Variants in COX10 observed in about 807,000 individuals in gnomAD.
COX10 encodes the protein cytochrome c oxidase assembly factor heme A:farnesyltransferase COX10, also known as protoheme IX farnesyltransferase, mitochondrial.
COX10 carries 27 observed loss-of-function variants against 37.3 expected under a neutral mutation model. The observed-to-expected ratio is 0.72, with a 90% CI of 0.53 to 1.00. The LOEUF (loss-of-function observed/expected upper bound fraction) is 1.00, where lower values mean the gene tolerates loss of function less well. COX10 is among the 50% of genes least tolerant of loss of function. The probability of loss-of-function intolerance (pLI) is 0.00; values close to 1 mark genes in which losing one functional copy is unlikely to be tolerated. For synonymous variants in COX10, 222 were observed against 229.1 expected, an observed-to-expected ratio of 0.97 and a Z score of 0.28; for missense variants, 475 against 563.2, an observed-to-expected ratio of 0.84 and a Z score of 1.59.
chr17:14,162,654 T>G (rs937594445), intron 5 of COX10, among the ~76,000 whole-genome samples: 1 of 152,090 alleles, frequency 6.6e-6, no homozygotes, highest in African/African-American at 2.4e-5. Flanking sequence ...TACATAGAAT[T>G]TATGCCCCTG....
At chr17:14,091,917 T>G (rs1396303107) in intron 3 of COX10, among the ~76,000 whole-genome samples, 1 of 152,172 alleles carries the variant, frequency 6.6e-6, no homozygotes, top group African/African-American at 2.4e-5. Flanking sequence ...AAACTCAGTT[T>G]TGAAACTACA....
intron 3 of COX10, among the ~76,000 whole-genome samples, chr17:14,077,708 C>A (rs2142183018): frequency 6.6e-6 from 1 of 152,288 alleles, no homozygotes; most frequent in African/African-American, 2.4e-5. Flanking sequence ...TCTGGGCTAA[C>A]CCTGTTTAGA....
chr17:14,089,974 C>T (rs1915487702), intron 3 of COX10, among the ~76,000 whole-genome samples: 1 of 152,060 alleles, frequency 6.6e-6, no homozygotes, highest in African/African-American at 2.4e-5. Flanking sequence ...TTAAGGGAGA[C>T]CTCTGCAACT....
intron 5 of COX10, among the ~76,000 whole-genome samples, chr17:14,178,613 G>A (rs893592111): frequency 6.6e-6 from 1 of 150,622 alleles, no homozygotes; most frequent in African/African-American, 2.4e-5. Context: ...AGGGTGGCCT[G>A]CTCACCACTT....
At chr17:14,081,822 G>A (rs1393168773) in intron 3 of COX10, among the ~76,000 whole-genome samples, 10 of 152,296 alleles carry the variant, frequency 6.6e-5, no homozygotes, top group African/African-American at 2.4e-4. Context: ...TGGATTTGCT[G>A]CCCCTGCTCT....
intron 2 of COX10, among the ~76,000 whole-genome samples, chr17:14,076,111 C>CTTTTTTTTTTTTTTT (rs376434284): frequency 1.9e-5 from 2 of 103,254 alleles, no homozygotes; most frequent in African/African-American, 3.8e-5. Flanking sequence ...TCTTTTTTGT[C>CTTTTTTTTTTTTTTT]TTTTTTTTTT....
intron 6 of COX10, among the ~76,000 whole-genome samples, chr17:14,201,990 C>A (rs1366444298): frequency 6.6e-6 from 1 of 152,180 alleles, no homozygotes; most frequent in Admixed American, 6.5e-5. Context: ...TGCACCTGAG[C>A]ATTCCAACCT....
Position 14,170,651 on chromosome 17 carries a change from C to CA in COX10, c.695+10705dup, listed in dbSNP as rs766846210. Among the ~76,000 whole-genome samples, 39 of 151,906 alleles carry CA rather than the reference C, an allele frequency of 2.6e-4. 1 individual carries two copies. Among genetic ancestry groups the CA allele is most frequent in the South Asian group, 1.5e-3 (7 of 4,778 alleles). ...GCAACGTAGTGAGACCCTGTCTTTACAGAAAAAAATTTTAAAATTAGCCGA... is the reference window on the plus strand; with the variant it reads ...GCAACGTAGTGAGACCCTGTCTTTACAAGAAAAAAATTTTAAAATTAGCCGA... On this transcript the variant is annotated intron_variant, in intron 5 of 6. Transcript: ENST00000261643.
At chr17:14,121,574 G>A (rs568420923) in intron 4 of COX10, among the ~76,000 whole-genome samples, 181 of 152,212 alleles carry the variant, frequency 1.2e-3, no homozygotes, top group African/African-American at 4.0e-3. Context: ...TTTCTGTTTC[G>A]ATTTCTTCAT....
chr17:14,168,130 G>T (rs1290394019), intron 5 of COX10, among the ~76,000 whole-genome samples: 2 of 152,246 alleles, frequency 1.3e-5, no homozygotes, highest in African/African-American at 2.4e-5. Flanking sequence ...CCAAGTGGGA[G>T]AAATTGGCCA....
At chr17:14,075,634 G>T (rs1915126078) in intron 2 of COX10, among the ~76,000 whole-genome samples, 1 of 152,096 alleles carries the variant, frequency 6.6e-6, no homozygotes, top group African/African-American at 2.4e-5. Context: ...TATTAATTTT[G>T]CTAGTAAGTG....
At chr17:14,088,558 T>C (rs566263533) in intron 3 of COX10, among the ~76,000 whole-genome samples, 8 of 152,284 alleles carry the variant, frequency 5.3e-5, no homozygotes, top group Admixed American at 2.6e-4. Context: ...TATAAGATGC[T>C]ATGGTAGATG....
chr17:14,116,503 C>G (rs539049535), intron 4 of COX10, among the ~76,000 whole-genome samples: 2 of 152,226 alleles, frequency 1.3e-5, no homozygotes, highest in African/African-American at 4.8e-5. Context: ...GATCTTTCCC[C>G]TCAAACCTGC....
At chr17:14,157,754 C>T (rs777203682) in intron 4 of COX10, among the ~76,000 whole-genome samples, 18 of 152,306 alleles carry the variant, frequency 1.2e-4, no homozygotes, top group East Asian at 1.9e-4. Context: ...GTTTCTTACT[C>T]TGACTACGGC....
intron 4 of COX10, among the ~76,000 whole-genome samples, chr17:14,146,766 G>A (rs1904731173): frequency 6.6e-6 from 1 of 152,048 alleles, no homozygotes; most frequent in Non-Finnish European, 1.5e-5. Context: ...TAACCAGAAT[G>A]TATAGGGAGC....
At chr17:14,085,144 T>C (rs939730973) in intron 3 of COX10, among the ~76,000 whole-genome samples, 1 of 152,150 alleles carries the variant, frequency 6.6e-6, no homozygotes, top group African/African-American at 2.4e-5. Flanking sequence ...TACTTGTCTG[T>C]AAAATGGGGA....
chr17:14,193,836 T>A (rs569280970), intron 6 of COX10, among the ~76,000 whole-genome samples: 23 of 149,898 alleles, frequency 1.5e-4, no homozygotes, highest in African/African-American at 4.6e-4. Flanking sequence ...CCCTCAAACC[T>A]TTATAGTGAT....
intron 4 of COX10, among the ~76,000 whole-genome samples, chr17:14,124,450 A>G (rs1452780140): frequency 1.3e-5 from 2 of 152,148 alleles, no homozygotes; most frequent in Admixed American, 1.3e-4. Flanking sequence ...AGGACAACTC[A>G]GAGTAGGTTA....
chr17:14,090,596 A>G (rs1597496555), intron 3 of COX10, among the ~76,000 whole-genome samples: 2 of 152,256 alleles, frequency 1.3e-5, no homozygotes, highest in East Asian at 3.9e-4. Flanking sequence ...ATGGAGAGTG[A>G]CTACTTGGAG....
Sources: gnomAD v4.1 joint callset for allele counts (sites outside exome capture counted in the v4.1 genomes callset) on GRCh38, gnomAD v4.1.1 for gene constraint, MANE v1.5 for transcripts, NCBI Gene and HGNC (gene_info 2026-07-23, HGNC 2026-07-21) for gene names.